Variants in STK10 observed in about 807,000 individuals in gnomAD.
STK10 encodes the protein serine/threonine kinase 10.
A neutral mutation model predicts 113.8 loss-of-function variants in STK10; 78 were observed. The ratio of observed to expected loss-of-function variants is 0.69; its 90% CI spans 0.57 to 0.83. The LOEUF is 0.83. STK10 is among the 40% of genes least tolerant of loss of function. The pLI is 0.00. For missense variants in STK10, 1,109 were observed against 1,280.1 expected, an observed-to-expected ratio of 0.87 and a Z score of 2.04; for synonymous variants, 465 against 494.7, an observed-to-expected ratio of 0.94 and a Z score of 0.80.
chr5:172,057,505 T>A, intron 14 of STK10, 32 bp from the exon 15 acceptor site: 1 of 1,537,550 alleles, frequency 6.5e-7, no homozygotes, highest in Non-Finnish European at 8.8e-7. Context: ...GCTGGTGAGG[T>A]GCTGACAACC....
chr5:172,118,279 G>A (rs938461999), intron 3 of STK10, among the ~76,000 whole-genome samples: 2 of 152,140 alleles, frequency 1.3e-5, no homozygotes, highest in African/African-American at 4.8e-5. Context: ...ACATAAGCCC[G>A]ACTGAGACAG....
At chr5:172,136,052 A>AAAAG (rs1769851794) in intron 2 of STK10, among the ~76,000 whole-genome samples, 1 of 151,988 alleles carries the variant, frequency 6.6e-6, no homozygotes, top group South Asian at 2.1e-4. Context: ...ACAAACAAAC[A>AAAAG]AAAGAAAGAA....
intron 4 of STK10, among the ~76,000 whole-genome samples, chr5:172,109,599 G>A (rs543662363): frequency 1.3e-5 from 2 of 152,194 alleles, no homozygotes; most frequent in East Asian, 3.9e-4. Flanking sequence ...GAGGCACCAG[G>A]ACCGGCCAAT....
intron 6 of STK10, 22 bp from the exon 7 acceptor site, chr5:172,105,759 G>A: frequency 6.2e-7 from 1 of 1,611,660 alleles, no homozygotes; most frequent in African/African-American, 1.3e-5. Context: ...GGCGTCAGAG[G>A]TAAGCATGGA....
At chr5:172,138,738 C>G (rs568409081) in intron 2 of STK10, among the ~76,000 whole-genome samples, 1 of 152,088 alleles carries the variant, frequency 6.6e-6, no homozygotes, top group African/African-American at 2.4e-5. Context: ...ATTGGCCAGG[C>G]GCGGTGGCTC....
chr5:172,091,531 C>CTTTTTTT (rs778673700), intron 9 of STK10, among the ~76,000 whole-genome samples: 1 of 131,878 alleles, frequency 7.6e-6, no homozygotes, highest in African/African-American at 3.0e-5. Flanking sequence ...TTCAAAGCCT[C>CTTTTTTT]TTTTTTTTTT....
chr5:172,063,139 A>G (rs1018637500), intron 13 of STK10, among the ~76,000 whole-genome samples: 2 of 152,042 alleles, frequency 1.3e-5, no homozygotes, highest in Non-Finnish European at 2.9e-5. Flanking sequence ...AGTCCCAGCT[A>G]CTTGGGAGGC....
chr5:172,072,349 A>C (rs1398795770), intron 12 of STK10, among the ~76,000 whole-genome samples: 18 of 151,976 alleles, frequency 1.2e-4, no homozygotes, highest in African/African-American at 4.3e-4. Context: ...TCACTGCAAG[A>C]TCCGCCTACC....
At chr5:172,164,575 T>G (rs1262587414) in intron 1 of STK10, among the ~76,000 whole-genome samples, 1 of 152,200 alleles carries the variant, frequency 6.6e-6, no homozygotes, top group Non-Finnish European at 1.5e-5. Context: ...TCAAATTCCA[T>G]GTATCTGACA....
intron 12 of STK10, among the ~76,000 whole-genome samples, chr5:172,068,964 G>A (rs1048448798): frequency 5.9e-5 from 9 of 151,782 alleles, no homozygotes; most frequent in African/African-American, 2.2e-4. Flanking sequence ...GGTTGTAAAG[G>A]TACATTTTAC....
At chr5:172,135,874 A>T (rs1418074894) in intron 2 of STK10, among the ~76,000 whole-genome samples, 1 of 152,002 alleles carries the variant, frequency 6.6e-6, no homozygotes, top group Admixed American at 6.6e-5. Flanking sequence ...TAAAAATACA[A>T]AAATTTGCCA....
At chr5:172,058,907 A>T (rs1383774437) in intron 14 of STK10, among the ~76,000 whole-genome samples, 3 of 152,004 alleles carry the variant, frequency 2.0e-5, no homozygotes, top group African/African-American at 7.2e-5. Flanking sequence ...AAAAACAAAA[A>T]AAATGTATAT....
intron 1 of STK10, among the ~76,000 whole-genome samples, chr5:172,161,436 G>C (rs879709512): frequency 6.6e-6 from 1 of 151,788 alleles, no homozygotes; most frequent in Non-Finnish European, 1.5e-5. Flanking sequence ...CTGGGTGACA[G>C]AGTGAGACTC....
In STK10 at chr5:172,082,611, C is replaced by T; in HGVS notation, c.1810-106G>A. 7.2e-7 allele frequency: 1 copy of T among 1,384,486 alleles called. No homozygotes were observed. Among genetic ancestry groups the T allele is most frequent in the Non-Finnish European group, 9.7e-7 (1 of 1,033,866 alleles). 85.8% of individuals were successfully genotyped at this position (1,384,486 alleles called of 1,614,324 possible). A position where few individuals can be genotyped will look rare whatever the true frequency, so the allele number is the denominator to read the frequency against. ...CTCAGAGCTTGTGATCAGACCTAAG[C>T]TTGAATCCCAGCTCTACTACCCCGT... is the stretch of plus-strand genomic sequence containing the variant. On this transcript the variant is annotated intron_variant, in intron 11 of 18. Coordinates refer to ENST00000176763, the MANE Select transcript of STK10 (RefSeq NM_005990.4). This position sits in a 1 kb window ranked among gnomAD's most constrained non-coding sequence, Gnocchi z 4.3.
At chr5:172,051,239 T>A (rs1300054242) in intron 18 of STK10, among the ~76,000 whole-genome samples, 1 of 152,002 alleles carries the variant, frequency 6.6e-6, no homozygotes, top group Admixed American at 6.6e-5. Flanking sequence ...ATACAATATT[T>A]AAAAAAAATT....
At chr5:172,153,449 G>A (rs1309445231) in intron 2 of STK10, among the ~76,000 whole-genome samples, 7 of 152,082 alleles carry the variant, frequency 4.6e-5, no homozygotes, top group African/African-American at 1.7e-4. Context: ...AAGCACAGAC[G>A]GATTTTGCCA....
chr5:172,113,960 T>C (rs1459138682), intron 4 of STK10, among the ~76,000 whole-genome samples: 2 of 152,088 alleles, frequency 1.3e-5, no homozygotes, highest in South Asian at 2.1e-4. Flanking sequence ...ACTTACCATA[T>C]GCATAGCACT....
intron 10 of STK10, among the ~76,000 whole-genome samples, chr5:172,087,586 T>C (rs1238218993): frequency 2.0e-5 from 3 of 150,962 alleles, no homozygotes; most frequent in Non-Finnish European, 2.9e-5. Flanking sequence ...ATGCTTTCAT[T>C]TTTTACAATT....
In STK10 at chr5:172,188,162, A is replaced by G; in HGVS notation, c.-120T>C. The G allele has an allele frequency of 2.1e-6, 3 of 1,450,046 alleles. No homozygotes were observed. The highest frequency in any genetic ancestry group is 4.9e-5 in the Admixed American group (2 of 40,534). The allele number at this position is 1,450,046 out of a possible 1,614,324, so 89.8% of individuals were successfully genotyped here. ...CCGCGTCTCTCGGGGTTCTCCCCAGACCCGCCTTTCCCCGCAGCCCGACCT... is the reference window on the plus strand; with the variant it reads ...CCGCGTCTCTCGGGGTTCTCCCCAGGCCCGCCTTTCCCCGCAGCCCGACCT... On this transcript the variant is annotated 5_prime_UTR_variant, in exon 1 of 19. Coordinates refer to ENST00000176763, the MANE Select transcript of STK10 (RefSeq NM_005990.4). This position sits in a 1 kb window ranked among gnomAD's most constrained non-coding sequence, Gnocchi z 5.6.
Sources: allele counts gnomAD v4.1 joint callset (sites outside exome capture counted in the v4.1 genomes callset), GRCh38; gene constraint gnomAD v4.1.1; non-coding constraint Gnocchi (gnomAD v3.1); transcripts MANE v1.5; gene names NCBI Gene and HGNC (gene_info 2026-07-23, HGNC 2026-07-21).